VPS37A: variants seen among roughly 807,000 people sequenced by gnomAD.
VPS37A encodes vacuolar protein sorting-associated protein 37A.
In VPS37A, 30 loss-of-function variants were observed where a neutral mutation model predicts 49.8. The ratio of observed to expected loss-of-function variants is 0.60; its 90% CI spans 0.45 to 0.82. VPS37A has a LOEUF of 0.82. VPS37A is among the 40% of genes least tolerant of loss of function. The pLI is 0.00. For synonymous variants in VPS37A, 195 were observed against 160.6 expected (o/e 1.21, Z -1.62); for missense variants, 593 against 464.4 (o/e 1.28, Z -2.55).
chr8:17,258,477 C>G (rs1019071496), intron 1 of VPS37A, among the ~76,000 whole-genome samples: 2 of 152,132 alleles, frequency 1.3e-5, no homozygotes, highest in African/African-American at 4.8e-5. Flanking sequence ...TCCTTGCATT[C>G]CTGGGGTAAT....
chr8:17,307,638 T>A, the VPS37A span, among the ~76,000 whole-genome samples: 1 of 152,104 alleles, frequency 6.6e-6, no homozygotes, highest in South Asian at 2.1e-4. Context: ...AACCAACCTA[T>A]ATGTCCAACA....
chr8:17,307,779 C>T, the VPS37A span, among the ~76,000 whole-genome samples: 2 of 151,826 alleles, frequency 1.3e-5, no homozygotes, highest in Non-Finnish European at 2.9e-5. Flanking sequence ...AGCAAACTAT[C>T]GCAAGGACAA....
chr8:17,304,783 G>C (rs1817347400), downstream of VPS37A, among the ~76,000 whole-genome samples: 1 of 151,310 alleles, frequency 6.6e-6, no homozygotes. Context: ...CTGTTCTTTT[G>C]GGGGGAGTTT....
At chr8:17,277,486 C>G (rs553625705) in intron 6 of VPS37A, among the ~76,000 whole-genome samples, 10 of 152,102 alleles carry the variant, frequency 6.6e-5, no homozygotes, top group African/African-American at 2.2e-4. Flanking sequence ...GCTATAAACC[C>G]TTTTGCTCAC....
chr8:17,289,869 C>T (rs966844010), intron 11 of VPS37A, among the ~76,000 whole-genome samples: 4 of 152,118 alleles, frequency 2.6e-5, no homozygotes, highest in African/African-American at 9.7e-5. Context: ...TGTGTCCTCT[C>T]TTATTTCCTT....
At chr8:17,301,525 A>G (rs1817111705), downstream of VPS37A, 1 of 152,278 alleles carries the variant, frequency 6.6e-6, no homozygotes, top group Non-Finnish European at 1.5e-5. Context: ...GAAAATCTCA[A>G]ATGCCAGCCT....
downstream of VPS37A, chr8:17,299,905 C>A (rs199741724): frequency 2.5e-6 from 4 of 1,614,008 alleles, no homozygotes; most frequent in Admixed American, 6.7e-5. Context: ...CCGGTCCTTG[C>A]CACTATCTTC....
the VPS37A span, among the ~76,000 whole-genome samples, chr8:17,311,120 C>A: frequency 1.3e-5 from 2 of 152,164 alleles, no homozygotes; most frequent in African/African-American, 4.8e-5. Context: ...TTTTGGCATA[C>A]ACAATATAGA....
chr8:17,274,230 T>G (rs1460396922), intron 4 of VPS37A, among the ~76,000 whole-genome samples: 1 of 152,268 alleles, frequency 6.6e-6, no homozygotes, highest in Non-Finnish European at 1.5e-5. Flanking sequence ...CATCTGTTTT[T>G]AATATTTCAA....
chr8:17,274,701 CTAATG>C, intron 4 of VPS37A, 27 bp from the exon 5 acceptor site: 9 of 1,547,776 alleles, frequency 5.8e-6, no homozygotes, highest in Non-Finnish European at 8.0e-6. Flanking sequence ...TCCATAAAAT[CTAATG>C]TAATGATCTT....
chr8:17,302,133 A>G (rs201768536), downstream of VPS37A: 1,899 of 1,613,986 alleles, frequency 1.2e-3, no homozygotes, highest in Non-Finnish European at 1.4e-3. Flanking sequence ...AAAATAGATT[A>G]ACAAAGCAAG....
At chr8:17,286,561 A>T in intron 11 of VPS37A, 134 bp downstream of exon 11, 1 of 677,100 alleles carries the variant, frequency 1.5e-6, no homozygotes, top group Non-Finnish European at 2.5e-6. Flanking sequence ...TGTAACATAG[A>T]ATGCTTTGTA....
At chr8:17,327,339 TG>T in the VPS37A span, among the ~76,000 whole-genome samples, 2 of 152,190 alleles carry the variant, frequency 1.3e-5, no homozygotes, top group African/African-American at 4.8e-5. Flanking sequence ...GGCACGATCA[TG>T]GCTTACTGCA....
chr8:17,271,781 A>G (rs1315527010), intron 4 of VPS37A, among the ~76,000 whole-genome samples: 4 of 152,112 alleles, frequency 2.6e-5, no homozygotes, highest in African/African-American at 9.7e-5. Flanking sequence ...ACTCGACAGC[A>G]CTCTGAGGCT....
chr8:17,276,076 C>G (rs1009981905), intron 5 of VPS37A, among the ~76,000 whole-genome samples: 2 of 152,064 alleles, frequency 1.3e-5, no homozygotes, highest in African/African-American at 4.8e-5. Context: ...TAATGCCTTT[C>G]ACTTGAGAGA....
chr8:17,293,382 C>A (rs1014832027), intron 11 of VPS37A, among the ~76,000 whole-genome samples: 1 of 152,008 alleles, frequency 6.6e-6, no homozygotes, highest in African/African-American at 2.4e-5. Context: ...AGGTTCTTAG[C>A]TTCCTTGCAT....
intron 1 of VPS37A, among the ~76,000 whole-genome samples, chr8:17,264,573 C>T (rs540974575): frequency 4.6e-5 from 7 of 152,200 alleles, no homozygotes; most frequent in Non-Finnish European, 1.0e-4. Flanking sequence ...TCCATCCCAA[C>T]ACTTTTGAAT....
At chr8:17,304,841 C>G (rs771116537), downstream of VPS37A, among the ~76,000 whole-genome samples, 7 of 151,534 alleles carry the variant, frequency 4.6e-5, no homozygotes, top group Non-Finnish European at 7.4e-5. Context: ...ACACACTATT[C>G]TAAATGTTCC....
chr8:17,309,875 T>A, the VPS37A span, among the ~76,000 whole-genome samples: 1 of 152,198 alleles, frequency 6.6e-6, no homozygotes, highest in African/African-American at 2.4e-5. Flanking sequence ...AATGATGGTG[T>A]TTGGGGTATA....
Sources: gnomAD v4.1 joint callset for allele counts (sites outside exome capture counted in the v4.1 genomes callset) on GRCh38, gnomAD v4.1.1 for gene constraint, MANE v1.5 for transcripts, NCBI Gene and HGNC (gene_info 2026-07-23, HGNC 2026-07-21) for gene names.